NBEA: variants seen among roughly 807,000 people sequenced by gnomAD.
NBEA encodes lysosomal-trafficking regulator 2.
Under a neutral mutation model 343.4 loss-of-function variants are expected in NBEA, and 44 were observed. That is an observed-to-expected ratio of 0.13 (90% confidence interval 0.10 to 0.16). The LOEUF is 0.16. Ranked by LOEUF, NBEA falls within the 10% of genes least tolerant of loss-of-function variation. The pLI, the probability that NBEA is intolerant of heterozygous loss-of-function variation, is 1.00. For missense variants in NBEA, 2,555 were observed against 3,631.3 expected, an observed-to-expected ratio of 0.70 and a Z score of 7.62; for synonymous variants, 1,175 against 1,238.7, an observed-to-expected ratio of 0.95 and a Z score of 1.08.
intron 34 of NBEA, among the ~76,000 whole-genome samples, chr13:35,263,123 C>T (rs1176814788): frequency 6.6e-6 from 1 of 152,108 alleles, no homozygotes; most frequent in Admixed American, 6.6e-5. Flanking sequence ...ATGAAACAGA[C>T]ATATAAACCA....
At chr13:35,085,792 T>C (rs1398093119) in intron 10 of NBEA, among the ~76,000 whole-genome samples, 1 of 152,120 alleles carries the variant, frequency 6.6e-6, no homozygotes, top group Non-Finnish European at 1.5e-5. Flanking sequence ...AAAGTCAAAT[T>C]GTCCCTGTTT....
intron 57 of NBEA, 129 bp downstream of exon 57, chr13:35,667,699 T>C: frequency 1.1e-6 from 1 of 899,948 alleles, no homozygotes; most frequent in South Asian, 1.9e-5. Context: ...TAAAAGTATA[T>C]AACTTCTTGC....
chr13:35,387,980 TC>T (rs1566061969), intron 38 of NBEA, among the ~76,000 whole-genome samples: 1 of 152,054 alleles, frequency 6.6e-6, no homozygotes, highest in East Asian at 1.9e-4. Flanking sequence ...GGAAAATCTT[TC>T]CCCCCAGAGT....
At chr13:35,280,835 A>C (rs943624894) in intron 34 of NBEA, among the ~76,000 whole-genome samples, 4 of 151,914 alleles carry the variant, frequency 2.6e-5, no homozygotes, top group African/African-American at 7.3e-5. Context: ...ATCCAATTTC[A>C]AAATATAACT....
intron 42 of NBEA, 149 bp downstream of exon 42, chr13:35,550,743 G>T (rs2079280304): frequency 2.9e-6 from 2 of 686,200 alleles, no homozygotes; most frequent in East Asian, 2.8e-5. Context: ...AATAAAAAAA[G>T]AATGAATTTG....
At chr13:35,182,307 AACTTAT>A in intron 28 of NBEA, 47 bp from the exon 29 acceptor site, 1 of 1,527,752 alleles carries the variant, frequency 6.5e-7, no homozygotes, top group African/African-American at 1.4e-5. Flanking sequence ...GTGCTTTAAG[AACTTAT>A]ACTTCAAAAA....
intron 1 of NBEA, among the ~76,000 whole-genome samples, chr13:35,006,952 C>A (rs913117817): frequency 6.6e-6 from 1 of 152,196 alleles, no homozygotes; most frequent in Non-Finnish European, 1.5e-5. Context: ...CTTGTGTTGT[C>A]ATCTGACTTC....
intron 36 of NBEA, among the ~76,000 whole-genome samples, chr13:35,344,992 C>T (rs919026461): frequency 2.6e-5 from 4 of 151,996 alleles, no homozygotes; most frequent in Non-Finnish European, 5.9e-5. Context: ...AAAATATTAG[C>T]AGAACTCAAT....
intron 58 of NBEA, among the ~76,000 whole-genome samples, chr13:35,669,935 G>A (rs973533126): frequency 4.6e-5 from 7 of 152,106 alleles, no homozygotes; most frequent in African/African-American, 1.7e-4. Context: ...TGAACAGACA[G>A]GGTGGATGGA....
chr13:35,572,969 G>T (rs547829593), intron 45 of NBEA, among the ~76,000 whole-genome samples: 1 of 152,192 alleles, frequency 6.6e-6, no homozygotes, highest in Admixed American at 6.5e-5. Flanking sequence ...AAACTACTAG[G>T]TGTGTTAGTG....
At chr13:35,176,181 C>T (rs753406966) in intron 27 of NBEA, among the ~76,000 whole-genome samples, 3 of 152,000 alleles carry the variant, frequency 2.0e-5, no homozygotes, top group Non-Finnish European at 4.4e-5. Flanking sequence ...TTTACTATGG[C>T]GTGCTGCCAA....
chr13:35,559,538 A>G (rs1025956184), intron 44 of NBEA, among the ~76,000 whole-genome samples: 1 of 152,178 alleles, frequency 6.6e-6, no homozygotes, highest in African/African-American at 2.4e-5. Context: ...TTTTGTCATA[A>G]TATGTTTTAA....
chr13:35,197,268 CT>C lies in NBEA; in HGVS notation c.5366+970del, dbSNP rs2072684088. Among the ~76,000 whole-genome samples the C allele has an allele frequency of 2.0e-5, 3 of 152,150 alleles. No individual in the cohort carries two copies. In the South Asian group the frequency reaches 6.2e-4, roughly 32 times the overall value. ...CATTGTTATTGATGTTTTAAAACAT[CT>C]TTTCATACCAAAAATTTATGTATAT... On this transcript the variant is annotated intron_variant, in intron 31 of 58. Coordinates refer to ENST00000379939, the MANE Select transcript of NBEA (RefSeq NM_001385012.1).
chr13:35,151,778 A>G (rs1441208873), intron 18 of NBEA, among the ~76,000 whole-genome samples: 3 of 152,138 alleles, frequency 2.0e-5, no homozygotes, highest in Non-Finnish European at 2.9e-5. Context: ...AAACTATTTT[A>G]TATACATATT....
At chr13:35,267,838 AAAAG>A (rs1264789392) in intron 34 of NBEA, among the ~76,000 whole-genome samples, 13 of 147,678 alleles carry the variant, frequency 8.8e-5, no homozygotes, top group South Asian at 2.1e-4. Flanking sequence ...TAAAAAAAAA[AAAAG>A]AAGAAGAAAA....
At chr13:35,296,224 T>C (rs957866370) in intron 35 of NBEA, among the ~76,000 whole-genome samples, 1 of 151,796 alleles carries the variant, frequency 6.6e-6, no homozygotes, top group Non-Finnish European at 1.5e-5. Flanking sequence ...CTACTAAAAA[T>C]ACAAAAATTA....
chr13:35,475,911 C>G lies in NBEA; in HGVS notation c.6585+3375C>G, dbSNP rs2075841337. On this transcript the variant is annotated intron_variant, in intron 41 of 58. Transcript: ENST00000379939. ...CCCCCATTTGGTTGAGATAAAGCAC[C>G]ACTTCAAATTCGGTGGGGGAGATGA... The G allele has an allele frequency of 3.7e-6, 6 of 1,613,964 alleles. No homozygotes were observed. The African/African-American group carries it at 8.0e-5, about 22-fold the overall frequency.
intron 1 of NBEA, among the ~76,000 whole-genome samples, chr13:35,009,194 G>C (rs1173756267): frequency 2.0e-5 from 3 of 152,174 alleles, no homozygotes; most frequent in Non-Finnish European, 2.9e-5. Context: ...TATGTGCCAA[G>C]TACTGGAGGT....
intron 34 of NBEA, among the ~76,000 whole-genome samples, chr13:35,270,411 T>A (rs139603928): frequency 9.7e-4 from 147 of 152,286 alleles, no homozygotes; most frequent in Non-Finnish European, 1.7e-3. Flanking sequence ...CCAGCAAGAT[T>A]TACGCAGAAG....
Sources: allele counts gnomAD v4.1 joint callset (sites outside exome capture counted in the v4.1 genomes callset), GRCh38; gene constraint gnomAD v4.1.1; transcripts MANE v1.5; gene names NCBI Gene and HGNC (gene_info 2026-07-23, HGNC 2026-07-21).